The following LY75 variants were observed in gnomAD, a reference collection of about 807,000 sequenced individuals.
LY75 encodes the protein lymphocyte antigen 75.
Under a neutral mutation model 231.7 loss-of-function variants are expected in LY75, and 185 were observed. That is an observed-to-expected ratio of 0.80 (90% CI 0.71 to 0.90). The LOEUF (loss-of-function observed/expected upper bound fraction) is 0.90. Ranked by LOEUF, LY75 falls within the 40% of genes least tolerant of loss-of-function variation. LY75 has a pLI of 0.00. For synonymous variants in LY75, 668 were observed against 689.0 expected (o/e 0.97, Z 0.48); for missense variants, 1,947 against 2,050.2 (o/e 0.95, Z 0.97).
Position 159,805,194 on chromosome 2 carries a change from T to C in LY75, c.5019A>G (p.Ile1673Met). Reference protein sequence around the residue: ...LGPDYTAIAIIVATLSILVLM... With the variant: ...LGPDYTAIAIMVATLSILVLM... ...GAACTAAGATACTTAGTGTGGCAAC[T>C]ATGATAGCTATTGCTGTGTAATCAG... Residue 1673 changes from isoleucine to methionine, a missense_variant, in exon 35 of 35, where the codon ATA (isoleucine) becomes ATG (methionine). Ile to Met is a conservative substitution (Grantham distance 10). Coordinates refer to ENST00000263636, the MANE Select transcript of LY75 (RefSeq NM_002349.4). The C allele has an allele frequency of 6.2e-7, 1 of 1,614,108 alleles. No homozygotes were observed. The highest frequency in any genetic ancestry group is 8.5e-7 in the Non-Finnish European group (1 of 1,179,976).
chr2:159,864,548 A>C (rs1684802356), intron 14 of LY75, among the ~76,000 whole-genome samples: 1 of 152,138 alleles, frequency 6.6e-6, no homozygotes, highest in South Asian at 2.1e-4. Context: ...CCAGTTGGCT[A>C]TAAATATATG....
chr2:159,848,393 G>C (rs1237668454), intron 23 of LY75, among the ~76,000 whole-genome samples: 1 of 151,812 alleles, frequency 6.6e-6, no homozygotes, highest in Non-Finnish European at 1.5e-5. Flanking sequence ...AATGAACTTT[G>C]GGGGACTTAG....
intron 14 of LY75, among the ~76,000 whole-genome samples, chr2:159,863,358 AT>A (rs981545715): frequency 5.9e-5 from 9 of 152,006 alleles, no homozygotes; most frequent in Non-Finnish European, 1.3e-4. Flanking sequence ...TCTATTTTTA[AT>A]TTTTTGAGGG....
chr2:159,876,863 G>C (rs901200376), intron 11 of LY75, among the ~76,000 whole-genome samples: 3 of 151,724 alleles, frequency 2.0e-5, no homozygotes, highest in Non-Finnish European at 4.4e-5. Context: ...AAAAAAATTA[G>C]CTGGGCATGG....
intron 30 of LY75, 130 bp downstream of exon 30, chr2:159,816,676 C>T: frequency 1.5e-6 from 2 of 1,330,204 alleles, no homozygotes; most frequent in Non-Finnish European, 2.0e-6. Flanking sequence ...GGTAAGAAAG[C>T]ACCATGCTAT....
chr2:159,869,442 C>T (rs2125865907), intron 13 of LY75, among the ~76,000 whole-genome samples: 1 of 152,204 alleles, frequency 6.6e-6, no homozygotes, highest in South Asian at 2.1e-4. Flanking sequence ...AAATCGGAAG[C>T]TTGTTCATCA....
Position 159,831,743 on chromosome 2 carries a change from AT to A in LY75, c.3884del (p.Asn1295IlefsTer20). ...HILSIRDEKE[N>X]NFVLEQLLYF... ...ACAGCAGTTGCTCAAGAACAAAGTTATTCTCCTTTTCATCTCGAATACTCAG... is the reference window on the plus strand; with the variant it reads ...ACAGCAGTTGCTCAAGAACAAAGTTATCTCCTTTTCATCTCGAATACTCAG... On this transcript the variant is annotated frameshift_variant, in exon 28 of 35. Transcript: ENST00000263636. LOFTEE classifies it high-confidence loss of function. 6.2e-7 allele frequency: 1 copy of A among 1,612,616 alleles called. No individual in the cohort carries two copies. The highest frequency in any genetic ancestry group is 8.5e-7 in the Non-Finnish European group (1 of 1,179,484).
At chr2:159,806,468 T>C (rs902687396) in intron 34 of LY75, among the ~76,000 whole-genome samples, 4 of 152,216 alleles carry the variant, frequency 2.6e-5, no homozygotes, top group African/African-American at 9.6e-5. Context: ...TAATATAACA[T>C]TTTAATGGTA....
chr2:159,903,311 G>A (rs1686136231), intron 1 of LY75: 1 of 152,228 alleles, frequency 6.6e-6, no homozygotes. Context: ...GAACCAAGAG[G>A]TTAGTGATTG....
At chr2:159,882,442 G>T in intron 6 of LY75, 127 bp from the exon 7 acceptor site, 1 of 1,302,784 alleles carries the variant, frequency 7.7e-7, no homozygotes, top group Non-Finnish European at 1.0e-6. Flanking sequence ...CAGATGCTAC[G>T]GTGACATGAA....
chr2:159,840,680 A>T (rs1034530713), intron 25 of LY75, 49 bp downstream of exon 25: 2 of 1,611,798 alleles, frequency 1.2e-6, no homozygotes, highest in African/African-American at 1.3e-5. Flanking sequence ...CACAATAAAA[A>T]ATGTCGCTTT....
At chr2:159,831,027 A>T (rs1683639225) in intron 28 of LY75, among the ~76,000 whole-genome samples, 1 of 152,188 alleles carries the variant, frequency 6.6e-6, no homozygotes, top group Non-Finnish European at 1.5e-5. Context: ...AGTATTGAAG[A>T]TTTATATGGG....
chr2:159,872,689 A>G (rs73967948), intron 12 of LY75, 96 bp from the exon 13 acceptor site: 23,942 of 1,381,438 alleles, frequency 0.017, 667 homozygotes, highest in African/African-American at 0.12. Context: ...GGCCCCTGAA[A>G]TGAATTCTTA....
intron 4 of LY75, among the ~76,000 whole-genome samples, chr2:159,889,710 TC>T (rs1451277041): frequency 6.6e-6 from 1 of 152,014 alleles, no homozygotes; most frequent in East Asian, 1.9e-4. Context: ...ACCACTACCA[TC>T]CCCCAAACAA....
chr2:159,815,110 C>T (rs1050826935), intron 31 of LY75, among the ~76,000 whole-genome samples: 1 of 151,524 alleles, frequency 6.6e-6, no homozygotes, highest in Admixed American at 6.6e-5. Context: ...ACGCCATTCT[C>T]CCGCCTCAGC....
chr2:159,810,609 C>T lies in LY75; in HGVS notation c.4616G>A (p.Trp1539Ter), dbSNP rs748622509. The T allele has an allele frequency of 6.2e-7, 1 of 1,613,886 alleles. No homozygotes were observed. The highest frequency in any genetic ancestry group is 1.3e-5 in the African/African-American group (1 of 74,876). ...GTAACAGTGACCCTTGTACTGGATC[C>T]ACCGTGACCCATTCTCTTTTGCTGC... The part of the protein sequence containing the change: ...CPAAKENGSR[W>*]IQYKGHCYKS... The change falls in exon 32 of 35, where the codon TGG (tryptophan) becomes TAG (stop). Residue 1539 changes from tryptophan to a stop codon, truncating the protein, a stop_gained. Transcript: ENST00000263636. LOFTEE classifies it high-confidence loss of function.
intron 23 of LY75, among the ~76,000 whole-genome samples, chr2:159,843,122 T>C (rs973792408): frequency 1.3e-5 from 2 of 151,828 alleles, no homozygotes; most frequent in African/African-American, 2.4e-5. Context: ...AAATATGAAC[T>C]GAATTCAATA....
At chr2:159,808,133 T>C (rs1373588728) in intron 33 of LY75, 1 of 985,246 alleles carries the variant, frequency 1.0e-6, no homozygotes, top group East Asian at 1.1e-4. Context: ...CATGGGTTCC[T>C]TGTGGGGACA....
intron 26 of LY75, 113 bp from the exon 27 acceptor site, chr2:159,834,324 C>A: frequency 1.5e-6 from 2 of 1,324,216 alleles, no homozygotes; most frequent in South Asian, 1.3e-5. Context: ...GAAGTAATAT[C>A]CTGGTGAAGC....
Sources: allele counts gnomAD v4.1 joint callset (sites outside exome capture counted in the v4.1 genomes callset), GRCh38; gene constraint gnomAD v4.1.1; transcripts MANE v1.5; gene names NCBI Gene and HGNC (gene_info 2026-07-23, HGNC 2026-07-21).